ZBTB20: variants seen among roughly 807,000 people sequenced by gnomAD.
ZBTB20 encodes zinc finger and BTB domain-containing protein 20.
Under a neutral mutation model 56.9 loss-of-function variants are expected in ZBTB20, and 9 were observed. The observed-to-expected ratio is 0.16, with a 90% confidence interval of 0.10 to 0.28. The LOEUF is 0.28. Ranked by LOEUF, ZBTB20 falls within the 10% of genes least tolerant of loss-of-function variation. The pLI, the probability that ZBTB20 is intolerant of heterozygous loss-of-function variation, is 1.00. For missense variants in ZBTB20, 655 were observed against 1,003.0 expected (o/e 0.65, Z 4.69); for synonymous variants, 417 against 420.7 (o/e 0.99, Z 0.11).
At chr3:114,858,525 CGTGTGTGT>C (rs145263695) in intron 4 of ZBTB20, among the ~76,000 whole-genome samples, 26 of 146,970 alleles carry the variant, frequency 1.8e-4, no homozygotes, top group South Asian at 4.3e-4. Context: ...TGCGTGTATT[CGTGTGTGT>C]GTGTGTGTGT....
At chr3:114,436,593 T>C (rs1313707085) in intron 7 of ZBTB20, among the ~76,000 whole-genome samples, 1 of 152,206 alleles carries the variant, frequency 6.6e-6, no homozygotes, top group Non-Finnish European at 1.5e-5. Context: ...CTATCCAAGA[T>C]AGAAACTTAT....
chr3:114,857,527 T>G (rs1265232203), intron 4 of ZBTB20, among the ~76,000 whole-genome samples: 1 of 152,166 alleles, frequency 6.6e-6, no homozygotes. Context: ...AAGGAATTCT[T>G]ACTAGCGCCG....
At chr3:114,504,558 T>C (rs1256185455) in intron 6 of ZBTB20, among the ~76,000 whole-genome samples, 2 of 152,224 alleles carry the variant, frequency 1.3e-5, no homozygotes, top group African/African-American at 2.4e-5. Flanking sequence ...GATACTGTTC[T>C]TGTCCTCATG....
At chr3:114,375,167 G>A (rs969224609) in intron 10 of ZBTB20, among the ~76,000 whole-genome samples, 2 of 152,224 alleles carry the variant, frequency 1.3e-5, no homozygotes, top group Non-Finnish European at 2.9e-5. Flanking sequence ...CATTGAGCGT[G>A]TCTGCCTTAA....
In ZBTB20 at chr3:114,807,577, T is replaced by C. The variant is rs188246889; in HGVS notation, c.-416-6403A>G. Among the ~76,000 whole-genome samples, 178 of 152,092 alleles carry C rather than the reference T, an allele frequency of 1.2e-3. 1 individual carries two copies. The highest frequency in any genetic ancestry group is 2.2e-3 in the Non-Finnish European group (149 of 67,920). On this transcript the variant is annotated intron_variant, in intron 4 of 11. Transcript: ENST00000675478. ...ACATAAGAACTGACAACCTTGCCTC[T>C]TTTCCGATCCTAGGAGTGTATCGGT...
At chr3:114,860,240 G>T (rs2075459103) in intron 4 of ZBTB20, among the ~76,000 whole-genome samples, 1 of 152,036 alleles carries the variant, frequency 6.6e-6, no homozygotes, top group African/African-American at 2.4e-5. Flanking sequence ...CCGGGAGGTG[G>T]AGGTTGCAGT....
chr3:114,969,704 G>T (rs1193155391), intron 3 of ZBTB20, among the ~76,000 whole-genome samples: 1 of 152,110 alleles, frequency 6.6e-6, no homozygotes, highest in African/African-American at 2.4e-5. Context: ...TCTATTGGAT[G>T]AGACAAATAT....
At chr3:114,687,894 G>T (rs1192149848) in intron 6 of ZBTB20, 1 of 151,982 alleles carries the variant, frequency 6.6e-6, no homozygotes, top group Non-Finnish European at 1.5e-5. Flanking sequence ...TTTCTCCTTT[G>T]GCTCCAGATC....
At chr3:114,874,383 T>C (rs930590507) in intron 4 of ZBTB20, among the ~76,000 whole-genome samples, 6 of 152,198 alleles carry the variant, frequency 3.9e-5, no homozygotes, top group Middle Eastern at 3.2e-3. Flanking sequence ...AAGGGCATTC[T>C]TAAGGGAGCA....
chr3:115,133,142 A>G (rs2084555610), intron 1 of ZBTB20, among the ~76,000 whole-genome samples: 1 of 152,204 alleles, frequency 6.6e-6, no homozygotes, highest in Non-Finnish European at 1.5e-5. Flanking sequence ...CGTTTAAGTG[A>G]CAACATCTGG....
At chr3:114,597,083 T>C (rs1273574638) in intron 6 of ZBTB20, among the ~76,000 whole-genome samples, 3 of 152,156 alleles carry the variant, frequency 2.0e-5, no homozygotes, top group Non-Finnish European at 4.4e-5. Flanking sequence ...CAGATAAGCA[T>C]TGGAGCCTTC....
chr3:114,648,892 A>T (rs2107980341), intron 6 of ZBTB20, among the ~76,000 whole-genome samples: 1 of 152,092 alleles, frequency 6.6e-6, no homozygotes, highest in South Asian at 2.1e-4. Flanking sequence ...TCTAGCTTCT[A>T]CTCTTTTGAC....
intron 6 of ZBTB20, among the ~76,000 whole-genome samples, chr3:114,560,541 T>C (rs745825647): frequency 6.6e-6 from 1 of 152,182 alleles, no homozygotes; most frequent in African/African-American, 2.4e-5. Flanking sequence ...ATCCCACCTG[T>C]CTGATGCCAT....
intron 3 of ZBTB20, among the ~76,000 whole-genome samples, chr3:114,933,568 C>G (rs979378297): frequency 6.6e-6 from 1 of 152,206 alleles, no homozygotes; most frequent in Admixed American, 6.5e-5. Context: ...CAGGAATAAG[C>G]AGTCTTCTGT....
At chr3:114,424,388 C>A (rs551345755) in intron 7 of ZBTB20, among the ~76,000 whole-genome samples, 1 of 152,288 alleles carries the variant, frequency 6.6e-6, no homozygotes, top group African/African-American at 2.4e-5. Flanking sequence ...CATGCAAAGT[C>A]TCTCCCCACC....
chr3:114,428,681 C>T (rs1416649881), intron 7 of ZBTB20, among the ~76,000 whole-genome samples: 5 of 152,170 alleles, frequency 3.3e-5, no homozygotes, highest in Admixed American at 2.6e-4. Flanking sequence ...TAGTAGAATA[C>T]AAATAATTTC....
Position 114,320,926 on chromosome 3 carries a change from T to C in ZBTB20, c.*18079A>G, listed in dbSNP as rs543456395. 7 of 152,338 alleles carry C rather than the reference T, an allele frequency of 4.6e-5. No homozygotes were observed. The South Asian group carries it at 8.3e-4, about 18-fold the overall frequency. 9.4% of individuals were successfully genotyped at this position (152,338 alleles called of 1,614,324 possible). On this transcript the variant is annotated 3_prime_UTR_variant, in exon 12 of 12. Transcript: ENST00000675478. ...ACTCCTGACAAGCTATGCCCTAGAA[T>C]TGCAGCCTCCAAACCTTGCCCATGA...
chr3:114,809,128 A>G (rs2072331863), intron 4 of ZBTB20, among the ~76,000 whole-genome samples: 1 of 151,980 alleles, frequency 6.6e-6, no homozygotes, highest in African/African-American at 2.4e-5. Context: ...TTCATTCAAA[A>G]GTTTGACTAT....
intron 5 of ZBTB20, among the ~76,000 whole-genome samples, chr3:114,776,643 TATA>T (rs1278665105): frequency 6.6e-6 from 1 of 152,204 alleles, no homozygotes; most frequent in Non-Finnish European, 1.5e-5. Flanking sequence ...GGTAGTTTGT[TATA>T]GCAGCCACAG....
Sources: allele counts gnomAD v4.1 joint callset (sites outside exome capture counted in the v4.1 genomes callset), GRCh38; gene constraint gnomAD v4.1.1; transcripts MANE v1.5; gene names NCBI Gene and HGNC (gene_info 2026-07-23, HGNC 2026-07-21).